The following CNTNAP2 variants were observed in gnomAD, a reference collection of about 807,000 sequenced individuals.
CNTNAP2 encodes contactin associated protein 2.
In CNTNAP2, 98 loss-of-function variants were observed where a neutral mutation model predicts 155.2. That is an observed-to-expected ratio of 0.63 (90% confidence interval 0.54 to 0.75). CNTNAP2 has a LOEUF of 0.75. Among genes scored for constraint, CNTNAP2 ranks in the 30% least tolerant of loss-of-function variants. The pLI, the probability that CNTNAP2 is intolerant of heterozygous loss-of-function variation, is 0.00. For synonymous variants in CNTNAP2, 651 were observed against 631.2 expected (o/e 1.03, Z -0.47); for missense variants, 1,727 against 1,688.1 (o/e 1.02, Z -0.40).
chr7:148,168,097 C>A (rs1250175390), intron 17 of CNTNAP2, among the ~76,000 whole-genome samples: 1 of 152,048 alleles, frequency 6.6e-6, no homozygotes, highest in Non-Finnish European at 1.5e-5. Context: ...AATAGGAACA[C>A]TTTTACACTG....
intron 3 of CNTNAP2, among the ~76,000 whole-genome samples, chr7:146,880,207 C>G (rs1220164026): frequency 6.6e-6 from 1 of 151,914 alleles, no homozygotes; most frequent in Non-Finnish European, 1.5e-5. Context: ...AGCCTAATAC[C>G]TATTGCTATG....
intron 12 of CNTNAP2, among the ~76,000 whole-genome samples, chr7:147,621,359 T>C (rs1794848210): frequency 6.8e-6 from 1 of 148,000 alleles, no homozygotes; most frequent in South Asian, 2.1e-4. Context: ...GTAACTGAGG[T>C]GTAAACTACT....
intron 11 of CNTNAP2, among the ~76,000 whole-genome samples, chr7:147,502,756 T>C (rs919318883): frequency 6.6e-6 from 1 of 151,524 alleles, no homozygotes; most frequent in Admixed American, 6.6e-5. Flanking sequence ...TATATATATA[T>C]ATAAAACAAA....
chr7:146,510,559 C>A (rs972110601), intron 1 of CNTNAP2, among the ~76,000 whole-genome samples: 6 of 152,092 alleles, frequency 3.9e-5, no homozygotes, highest in African/African-American at 1.2e-4. Flanking sequence ...GCATTCCATC[C>A]TTGATCATTT....
chr7:147,424,440 G>T (rs1252029141), intron 10 of CNTNAP2, among the ~76,000 whole-genome samples: 1 of 151,952 alleles, frequency 6.6e-6, no homozygotes, highest in Non-Finnish European at 1.5e-5. Context: ...TTTTCTTGTA[G>T]TTTTCTTAGT....
intron 2 of CNTNAP2, among the ~76,000 whole-genome samples, chr7:146,791,338 C>G (rs1585092205): frequency 6.6e-6 from 1 of 152,172 alleles, no homozygotes. Context: ...TCCAGTCTAT[C>G]AGTGATGGGC....
intron 8 of CNTNAP2, among the ~76,000 whole-genome samples, chr7:147,179,977 C>T (rs771303874): frequency 6.6e-5 from 10 of 152,018 alleles, no homozygotes; most frequent in East Asian, 1.9e-4. Context: ...ATAGAGGATG[C>T]GGTTGTTTGA....
chr7:146,426,420 C>CATAT (rs1238754552), intron 1 of CNTNAP2, among the ~76,000 whole-genome samples: 1 of 146,592 alleles, frequency 6.8e-6, no homozygotes, highest in African/African-American at 2.5e-5. Flanking sequence ...CACACACACA[C>CATAT]ATATACACAC....
At chr7:147,903,527 A>G in intron 13 of CNTNAP2, 38 bp from the exon 14 acceptor site, 1 of 1,612,964 alleles carries the variant, frequency 6.2e-7, no homozygotes, top group Non-Finnish European at 8.5e-7. Flanking sequence ...GACTGAACCC[A>G]GGTCTGTTTC....
intron 1 of CNTNAP2, among the ~76,000 whole-genome samples, chr7:146,340,856 A>T (rs1801370625): frequency 6.6e-6 from 1 of 152,248 alleles, no homozygotes; most frequent in Non-Finnish European, 1.5e-5. Flanking sequence ...ATTGATGATA[A>T]TATAAAAGTG....
intron 1 of CNTNAP2, among the ~76,000 whole-genome samples, chr7:146,340,027 G>C (rs993284600): frequency 6.6e-6 from 1 of 151,854 alleles, no homozygotes; most frequent in East Asian, 1.9e-4. Context: ...AAATTAGCCG[G>C]GCATGGTGGT....
At chr7:147,527,882 G>A (rs1799355210) in intron 11 of CNTNAP2, among the ~76,000 whole-genome samples, 1 of 152,188 alleles carries the variant, frequency 6.6e-6, no homozygotes, top group Admixed American at 6.5e-5. Flanking sequence ...CCCAAGTGAA[G>A]GAGTGGAGAT....
chr7:147,084,376 A>C (rs1361515798), intron 4 of CNTNAP2, among the ~76,000 whole-genome samples: 1 of 26,784 alleles, frequency 3.7e-5, no homozygotes, highest in Non-Finnish European at 7.7e-5. Context: ...TGTATATATA[A>C]TATATGCATA....
At chr7:146,573,633 A>G (rs1009486937) in intron 1 of CNTNAP2, among the ~76,000 whole-genome samples, 2 of 152,224 alleles carry the variant, frequency 1.3e-5, no homozygotes, top group African/African-American at 2.4e-5. Flanking sequence ...GGACACCTGC[A>G]TAAAGACCTA....
At chr7:147,367,975 C>A (rs998469215) in intron 9 of CNTNAP2, among the ~76,000 whole-genome samples, 5 of 150,152 alleles carry the variant, frequency 3.3e-5, no homozygotes, top group South Asian at 2.1e-4. Flanking sequence ...TGAGGAAAAG[C>A]CTTTCTTTCT....
chr7:148,129,865 C>T (rs1804795035), intron 16 of CNTNAP2, among the ~76,000 whole-genome samples: 1 of 152,216 alleles, frequency 6.6e-6, no homozygotes, highest in South Asian at 2.1e-4. Context: ...CCAAGCAGCA[C>T]CTTAACTTTT....
chr7:147,223,444 T>A (rs547886671), intron 8 of CNTNAP2, among the ~76,000 whole-genome samples: 3 of 152,264 alleles, frequency 2.0e-5, no homozygotes, highest in East Asian at 3.9e-4. Flanking sequence ...TGGAATCTCA[T>A]CTGCATGCAA....
chr7:147,677,352 T>G (rs1389474863), intron 13 of CNTNAP2, among the ~76,000 whole-genome samples: 1 of 151,892 alleles, frequency 6.6e-6, no homozygotes, highest in Non-Finnish European at 1.5e-5. Flanking sequence ...ATTGAGCTAT[T>G]TGTTATTCTT....
At chr7:147,260,904 C>A (rs1436098864) in intron 8 of CNTNAP2, among the ~76,000 whole-genome samples, 1 of 152,274 alleles carries the variant, frequency 6.6e-6, no homozygotes, top group African/African-American at 2.4e-5. Context: ...GGCACTCACT[C>A]CAGAACAACT....
Sources: gnomAD v4.1 joint callset for allele counts (sites outside exome capture counted in the v4.1 genomes callset) on GRCh38, gnomAD v4.1.1 for gene constraint, MANE v1.5 for transcripts, NCBI Gene and HGNC (gene_info 2026-07-23, HGNC 2026-07-21) for gene names.